The following NKAIN3 variants were observed in gnomAD, a reference collection of about 807,000 sequenced individuals.
NKAIN3 encodes sodium/potassium transporting ATPase interacting 3, also known as sodium/potassium-transporting ATPase subunit beta-1-interacting protein 3.
Under a neutral mutation model 30.2 loss-of-function variants are expected in NKAIN3, and 25 were observed. That is an observed-to-expected ratio of 0.83 (90% confidence interval 0.60 to 1.16). The LOEUF (loss-of-function observed/expected upper bound fraction) is 1.16. Among genes scored for constraint, NKAIN3 ranks in the 50% most tolerant of loss-of-function variants. The probability of loss-of-function intolerance (pLI) is 0.00; values close to 1 mark genes in which losing one functional copy is unlikely to be tolerated. For synonymous variants in NKAIN3, 91 were observed against 89.6 expected, an observed-to-expected ratio of 1.02 and a Z score of -0.09; for missense variants, 225 against 254.1, an observed-to-expected ratio of 0.89 and a Z score of 0.78.
Position 62,248,947 on chromosome 8 carries a change from C to G in NKAIN3, c.-127C>G, listed in dbSNP as rs1811983856. ...GCGCGAGCCCCGAGCCCTGGAGCCG[C>G]GAGCGGCGGCCGCGGGGCCGAGGAG... On this transcript the variant is annotated 5_prime_UTR_variant, in exon 1 of 7. Transcript: ENST00000623646. The G allele has an allele frequency of 2.4e-6, 2 of 825,374 alleles. No homozygotes were observed. The highest frequency in any genetic ancestry group is 3.4e-5 in the Admixed American group (1 of 29,208). The allele number at this position is 825,374 out of a possible 1,614,324, so 51.1% of individuals were successfully genotyped here.
intron 2 of NKAIN3, among the ~76,000 whole-genome samples, chr8:62,584,879 A>G (rs959248423): frequency 2.0e-5 from 3 of 152,114 alleles, no homozygotes; most frequent in African/African-American, 7.2e-5. Flanking sequence ...CCATTCAACA[A>G]TGTGTACTTC....
chr8:62,276,587 C>T (rs1812971693), intron 1 of NKAIN3, among the ~76,000 whole-genome samples: 1 of 152,082 alleles, frequency 6.6e-6, no homozygotes, highest in Non-Finnish European at 1.5e-5. Flanking sequence ...TTTGAATGTA[C>T]CTACGTATTT....
intron 1 of NKAIN3, among the ~76,000 whole-genome samples, chr8:62,343,344 C>G (rs932113973): frequency 2.6e-5 from 4 of 151,920 alleles, no homozygotes; most frequent in African/African-American, 7.2e-5. Flanking sequence ...ATAGAGTCAG[C>G]CTTATCTGAG....
intron 4 of NKAIN3, chr8:62,855,446 T>C: frequency 2.5e-6 from 3 of 1,188,372 alleles, no homozygotes; most frequent in Non-Finnish European, 2.5e-6. Context: ...ATACTTCATC[T>C]TGGGTCTTTT....
At chr8:62,470,734 T>G (rs967903986) in intron 1 of NKAIN3, among the ~76,000 whole-genome samples, 1 of 152,082 alleles carries the variant, frequency 6.6e-6, no homozygotes. Flanking sequence ...TTTTATATTA[T>G]CAAGGGAACA....
chr8:62,514,170 A>C (rs1185762437), intron 1 of NKAIN3, among the ~76,000 whole-genome samples: 1 of 152,124 alleles, frequency 6.6e-6, no homozygotes, highest in African/African-American at 2.4e-5. Flanking sequence ...TTTGCAACTA[A>C]AGGCATTATG....
At chr8:62,382,186 ATGT>A (rs1431751250) in intron 1 of NKAIN3, among the ~76,000 whole-genome samples, 1 of 152,340 alleles carries the variant, frequency 6.6e-6, no homozygotes, top group East Asian at 1.9e-4. Flanking sequence ...ACAAATTTAC[ATGT>A]TGTATAGTAT....
intron 1 of NKAIN3, among the ~76,000 whole-genome samples, chr8:62,489,178 G>A (rs1806993186): frequency 8.7e-6 from 1 of 115,568 alleles, no homozygotes; most frequent in African/African-American, 3.5e-5. Flanking sequence ...CACCACACCT[G>A]GCTAATTTTT....
At chr8:62,876,154 G>A (rs1207629701) in intron 4 of NKAIN3, among the ~76,000 whole-genome samples, 1 of 152,108 alleles carries the variant, frequency 6.6e-6, no homozygotes, top group Non-Finnish European at 1.5e-5. Flanking sequence ...CCATCAAAAA[G>A]CGGGCAAAGG....
At chr8:62,724,522 T>G (rs1815195097) in intron 3 of NKAIN3, among the ~76,000 whole-genome samples, 2 of 152,060 alleles carry the variant, frequency 1.3e-5, no homozygotes, top group African/African-American at 2.4e-5. Context: ...CCATCCCCAC[T>G]ACACCCTACT....
At position 62,982,742 on chromosome 8, in the gene NKAIN3, C is replaced by T. The variant is rs1291369889; in HGVS notation, c.*17335C>T. ...GATTTTTTTTCAGTTCCAAAGTTAT[C>T]AAAATCCCAGGAATATTTCACAGAA... On this transcript the variant is annotated 3_prime_UTR_variant, in exon 7 of 7. Coordinates refer to ENST00000623646, the MANE Select transcript of NKAIN3 (RefSeq NM_001304533.3). The T allele has an allele frequency of 6.6e-6, 1 of 152,022 alleles. No homozygotes were observed. Among genetic ancestry groups the T allele is most frequent in the Non-Finnish European group, 1.5e-5 (1 of 68,006 alleles). The allele number at this position is 152,022 out of a possible 1,614,324, so 9.4% of individuals were successfully genotyped here.
chr8:62,532,334 G>A (rs1238356603), intron 1 of NKAIN3, among the ~76,000 whole-genome samples: 1 of 152,052 alleles, frequency 6.6e-6, no homozygotes. Flanking sequence ...TGCTTTCACT[G>A]CCTATCCCCT....
At chr8:62,835,774 T>A (rs1223558090) in intron 4 of NKAIN3, among the ~76,000 whole-genome samples, 1 of 151,932 alleles carries the variant, frequency 6.6e-6, no homozygotes, top group Non-Finnish European at 1.5e-5. Flanking sequence ...CCATAGAAAG[T>A]GGCTTGGAAA....
chr8:62,932,964 G>A (rs1822665345), intron 5 of NKAIN3, among the ~76,000 whole-genome samples: 1 of 148,504 alleles, frequency 6.7e-6, no homozygotes, highest in South Asian at 2.1e-4. Flanking sequence ...GTCTGCCCTA[G>A]AAGGCTAACT....
chr8:62,991,800 C>A (rs1400086248), intron 5 of NKAIN3, among the ~76,000 whole-genome samples: 2 of 152,156 alleles, frequency 1.3e-5, no homozygotes, highest in Non-Finnish European at 1.5e-5. Context: ...TAATGCAATA[C>A]TTTTAGAACT....
chr8:62,304,225 G>T (rs1814147823), intron 1 of NKAIN3, among the ~76,000 whole-genome samples: 1 of 150,466 alleles, frequency 6.6e-6, no homozygotes, highest in Non-Finnish European at 1.5e-5. Context: ...ACTGGTGCAA[G>T]AAATTTTCAG....
intron 4 of NKAIN3, among the ~76,000 whole-genome samples, chr8:62,762,087 G>A (rs892600124): frequency 1.1e-4 from 17 of 152,030 alleles, no homozygotes; most frequent in Admixed American, 1.3e-4. Flanking sequence ...AGGCTGAGGC[G>A]GGTGGATCAC....
At position 62,966,920 on chromosome 8, in the gene NKAIN3, A is replaced by G. The variant is rs1005495374; in HGVS notation, c.*1513A>G. On this transcript the variant is annotated 3_prime_UTR_variant, in exon 7 of 7. Transcript: ENST00000623646. ...TCTTCTTTCGGAGCCTATAGGTTTCATGAGACTCTGTTAAGAATCAGAGTT... is the reference window on the plus strand; with the variant it reads ...TCTTCTTTCGGAGCCTATAGGTTTCGTGAGACTCTGTTAAGAATCAGAGTT... 1.3e-5 allele frequency among the ~76,000 whole-genome samples: 2 copies of G among 152,144 alleles called. No homozygotes were observed. The highest frequency in any genetic ancestry group is 4.8e-5 in the African/African-American group (2 of 41,414).
intron 1 of NKAIN3, among the ~76,000 whole-genome samples, chr8:62,285,464 C>G (rs928789208): frequency 2.0e-5 from 3 of 152,130 alleles, no homozygotes; most frequent in Non-Finnish European, 4.4e-5. Flanking sequence ...CAAAAGTCAG[C>G]TTGTGGCTAG....
Sources: allele counts gnomAD v4.1 joint callset (sites outside exome capture counted in the v4.1 genomes callset), GRCh38; gene constraint gnomAD v4.1.1; transcripts MANE v1.5; gene names NCBI Gene and HGNC (gene_info 2026-07-23, HGNC 2026-07-21).